The following DIS3L2 variants were observed in gnomAD, a reference collection of about 807,000 sequenced individuals.
DIS3L2 encodes the protein DIS3-like exonuclease 2.
DIS3L2 carries 34 observed loss-of-function variants against 97.5 expected under a neutral mutation model. That is an observed-to-expected ratio of 0.35 (90% CI 0.27 to 0.46). The LOEUF (loss-of-function observed/expected upper bound fraction) is 0.46, where lower values mean the gene tolerates loss of function less well. Among genes scored for constraint, DIS3L2 ranks in the 20% least tolerant of loss-of-function variants. DIS3L2 has a pLI of 1.00. For missense variants in DIS3L2, 1,038 were observed against 1,146.0 expected (o/e 0.91, Z 1.36); for synonymous variants, 435 against 445.2 (o/e 0.98, Z 0.29).
intron 6 of DIS3L2, among the ~76,000 whole-genome samples, chr2:232,090,551 C>T (rs948085678): frequency 2.0e-5 from 3 of 152,138 alleles, no homozygotes; most frequent in African/African-American, 7.2e-5. Flanking sequence ...ACCATCTTCT[C>T]TTACTTGGGA....
chr2:232,093,289 G>T (rs191551364), intron 6 of DIS3L2, among the ~76,000 whole-genome samples: 60 of 152,066 alleles, frequency 3.9e-4, no homozygotes, highest in Middle Eastern at 3.4e-3. Flanking sequence ...AATTTTATTT[G>T]CTAGTATTTT....
chr2:232,171,011 C>G lies in DIS3L2; in HGVS notation c.1124+7379C>G, dbSNP rs531420459. ...AGGAAGTCCAATATGATTAAATTGC[C>G]TTTAGAAGAAGGTTCCCCTGGTAAG... On this transcript the variant is annotated intron_variant, in intron 9 of 20. Transcript: ENST00000325385. 2.9e-3 allele frequency among the ~76,000 whole-genome samples: 434 copies of G among 152,208 alleles called. 1 individual carries two copies. Among genetic ancestry groups the G allele is most frequent in the Non-Finnish European group, 4.7e-3 (322 of 68,004 alleles).
chr2:232,060,585 A>G (rs896408281), intron 5 of DIS3L2, among the ~76,000 whole-genome samples: 2 of 152,274 alleles, frequency 1.3e-5, no homozygotes, highest in African/African-American at 2.4e-5. Context: ...GAAGTCTGGT[A>G]GAATGTGACT....
chr2:232,024,788 C>G (rs1452600595), intron 4 of DIS3L2, among the ~76,000 whole-genome samples: 1 of 151,948 alleles, frequency 6.6e-6, no homozygotes, highest in Non-Finnish European at 1.5e-5. Context: ...TCTCACTTCA[C>G]TTTCGTGCAG....
intron 9 of DIS3L2, among the ~76,000 whole-genome samples, chr2:232,206,340 AG>A (rs1692025354): frequency 6.6e-6 from 1 of 151,920 alleles, no homozygotes; most frequent in South Asian, 2.1e-4. Context: ...GATCTAAAAC[AG>A]GGGTCAGCAA....
In DIS3L2 at chr2:232,333,330, G is replaced by A. The variant is rs373099882; in HGVS notation, c.2011-510G>A. 2.7e-4 allele frequency among the ~76,000 whole-genome samples: 15 copies of A among 55,196 alleles called. No individual in the cohort carries two copies. In the East Asian group the frequency reaches 7.2e-3, roughly 27 times the overall value. The allele number at this position is 55,196 out of a possible 152,430, so 36.2% of individuals were successfully genotyped here. A position where few individuals can be genotyped will look rare whatever the true frequency, so the allele number is the denominator to read the frequency against. ...TCCTCCTCCTCCTCCCCCACCCCCC[G>A]CCGCTACCTTTCTTTCTTCTTCCTT... On this transcript the variant is annotated intron_variant, in intron 16 of 20. Transcript: ENST00000325385.
intron 14 of DIS3L2, among the ~76,000 whole-genome samples, chr2:232,323,781 C>G (rs1199950164): frequency 6.6e-6 from 1 of 152,190 alleles, no homozygotes; most frequent in Admixed American, 6.5e-5. Flanking sequence ...CTGCTGGAGA[C>G]TGGCAGCAGG....
chr2:232,231,147 C>A (rs946073020), intron 10 of DIS3L2, among the ~76,000 whole-genome samples: 3 of 152,158 alleles, frequency 2.0e-5, no homozygotes, highest in Non-Finnish European at 4.4e-5. Context: ...TTTCTCTCCC[C>A]ACTAGACTGG....
intron 1 of DIS3L2, among the ~76,000 whole-genome samples, chr2:231,968,193 G>A (rs1228204797): frequency 6.6e-6 from 1 of 151,682 alleles, no homozygotes; most frequent in East Asian, 1.9e-4. Flanking sequence ...CGCCTCCCAG[G>A]TTCATACCAT....
intron 5 of DIS3L2, among the ~76,000 whole-genome samples, chr2:232,070,823 T>TA (rs1264776948): frequency 1.3e-5 from 2 of 152,144 alleles, no homozygotes; most frequent in African/African-American, 4.8e-5. Flanking sequence ...GACCTTGTGA[T>TA]CTGCCCCCCT....
chr2:232,059,893 G>A (rs1213231815), intron 5 of DIS3L2, among the ~76,000 whole-genome samples: 2 of 151,974 alleles, frequency 1.3e-5, no homozygotes, highest in Admixed American at 1.3e-4. Context: ...ATTGGACTGG[G>A]CACCTAGGTT....
chr2:232,165,165 T>C (rs1157503129), intron 9 of DIS3L2, among the ~76,000 whole-genome samples: 1 of 152,242 alleles, frequency 6.6e-6, no homozygotes, highest in Non-Finnish European at 1.5e-5. Flanking sequence ...AATAAAGGAA[T>C]GGTTTAGTAA....
rs548239216 is a variant in DIS3L2, at chr2:232,243,207, A to C, written c.1317+4562A>C. ...CACATTTTGAGTAGAAAATTTCTAG[A>C]TAGACAAAAATGGGCAGAGAGGGCA... On this transcript the variant is annotated intron_variant, in intron 11 of 20. Transcript: ENST00000325385. Among the ~76,000 whole-genome samples the C allele has an allele frequency of 1.8e-4, 28 of 152,304 alleles. No homozygotes were observed. The South Asian group carries it at 5.4e-3, about 29-fold the overall frequency.
chr2:232,256,753 C>T (rs1205902402), intron 12 of DIS3L2, among the ~76,000 whole-genome samples: 1 of 152,138 alleles, frequency 6.6e-6, no homozygotes, highest in Non-Finnish European at 1.5e-5. Context: ...GAGGCTGAGG[C>T]AGGAGGATCA....
chr2:232,187,290 C>A (rs1278960540), intron 9 of DIS3L2, among the ~76,000 whole-genome samples: 1 of 152,088 alleles, frequency 6.6e-6, no homozygotes, highest in Admixed American at 6.5e-5. Flanking sequence ...AATTGGAACC[C>A]TCTTATACTG....
At chr2:232,009,179 G>C (rs899803625) in intron 1 of DIS3L2, among the ~76,000 whole-genome samples, 1 of 152,134 alleles carries the variant, frequency 6.6e-6, no homozygotes, top group African/African-American at 2.4e-5. Flanking sequence ...CTGCTTTGAA[G>C]TCCTATTGTC....
intron 10 of DIS3L2, among the ~76,000 whole-genome samples, chr2:232,223,120 T>C (rs1375556494): frequency 6.6e-6 from 1 of 152,238 alleles, no homozygotes; most frequent in African/African-American, 2.4e-5. Context: ...CTCTACTGAT[T>C]GGTTCCAGTT....
intron 9 of DIS3L2, among the ~76,000 whole-genome samples, chr2:232,200,633 G>A (rs1032099976): frequency 7.2e-5 from 11 of 152,058 alleles, no homozygotes; most frequent in Non-Finnish European, 1.5e-4. Context: ...AAAAAAAATT[G>A]GGGGCAGGAA....
At chr2:232,055,505 C>T (rs1695522794) in intron 5 of DIS3L2, among the ~76,000 whole-genome samples, 1 of 152,230 alleles carries the variant, frequency 6.6e-6, no homozygotes, top group Admixed American at 6.5e-5. Flanking sequence ...ACTAAATGGT[C>T]ATGGACTGTA....
Sources: allele counts gnomAD v4.1 joint callset (sites outside exome capture counted in the v4.1 genomes callset), GRCh38; gene constraint gnomAD v4.1.1; transcripts MANE v1.5; gene names NCBI Gene and HGNC (gene_info 2026-07-23, HGNC 2026-07-21).